Variants in AHI1 observed in about 807,000 individuals in gnomAD.
The protein encoded by AHI1 is Abelson helper integration site 1, also known as jouberin.
In AHI1, 123 loss-of-function variants were observed where a neutral mutation model predicts 149.3. The observed-to-expected ratio is 0.82, with a 90% CI of 0.71 to 0.96. AHI1 has a LOEUF of 0.96. Ranked by LOEUF, AHI1 falls within the 40% of genes least tolerant of loss-of-function variation. The pLI, the probability that AHI1 is intolerant of heterozygous loss-of-function variation, is 0.00. For missense variants in AHI1, 1,439 were observed against 1,422.7 expected (o/e 1.01, Z -0.18); for synonymous variants, 475 against 459.8 (o/e 1.03, Z -0.42).
intron 5 of AHI1, among the ~76,000 whole-genome samples, chr6:135,478,403 T>C (rs1472454632): frequency 6.6e-6 from 1 of 152,194 alleles, no homozygotes; most frequent in Non-Finnish European, 1.5e-5. Flanking sequence ...ACTCTTGCTA[T>C]ACTTTAGCAG....
At chr6:135,329,612 T>A (rs1053778273) in intron 24 of AHI1, among the ~76,000 whole-genome samples, 2 of 152,230 alleles carry the variant, frequency 1.3e-5, no homozygotes, top group Non-Finnish European at 2.9e-5. Flanking sequence ...AATGTTGTTT[T>A]CATGCCAGCT....
intron 20 of AHI1, among the ~76,000 whole-genome samples, chr6:135,416,720 A>G (rs530068080): frequency 6.6e-6 from 1 of 152,110 alleles, no homozygotes; most frequent in South Asian, 2.1e-4. Flanking sequence ...GCATATAAAC[A>G]ATATTAGGTA....
intron 2 of AHI1, 127 bp from the exon 3 acceptor site, chr6:135,496,025 CTTA>C: frequency 6.6e-6 from 1 of 152,152 alleles, no homozygotes; most frequent in Non-Finnish European, 1.5e-5. Context: ...AAATCATATA[CTTA>C]TTTACTATTA....
intron 24 of AHI1, among the ~76,000 whole-genome samples, chr6:135,324,690 G>A (rs537509065): frequency 1.3e-5 from 2 of 152,032 alleles, no homozygotes; most frequent in African/African-American, 4.8e-5. Flanking sequence ...GTTAGGAGAA[G>A]CTGAGGCTCA....
intron 26 of AHI1, among the ~76,000 whole-genome samples, chr6:135,316,392 T>C (rs1237975395): frequency 6.6e-6 from 1 of 152,130 alleles, no homozygotes; most frequent in East Asian, 1.9e-4. Context: ...AGAGTTCACA[T>C]GCTGAGGCCT....
intron 26 of AHI1, among the ~76,000 whole-genome samples, chr6:135,311,464 A>C (rs1785199550): frequency 6.6e-6 from 1 of 152,194 alleles, no homozygotes; most frequent in African/African-American, 2.4e-5. Flanking sequence ...GAATGAGCAT[A>C]AATATTAGCA....
intron 20 of AHI1, among the ~76,000 whole-genome samples, chr6:135,418,270 G>C (rs1160937128): frequency 1.3e-5 from 2 of 152,030 alleles, no homozygotes; most frequent in Admixed American, 6.6e-5. Flanking sequence ...GGTGCTAAGT[G>C]GTATAGCAGA....
At chr6:135,474,277 T>C (rs1792231049) in intron 5 of AHI1, among the ~76,000 whole-genome samples, 1 of 152,242 alleles carries the variant, frequency 6.6e-6, no homozygotes, top group South Asian at 2.1e-4. Flanking sequence ...TTATGTCATT[T>C]GTGAATACAC....
chr6:135,326,585 G>C (rs1787724246), intron 24 of AHI1, among the ~76,000 whole-genome samples: 1 of 151,224 alleles, frequency 6.6e-6, no homozygotes, highest in Admixed American at 6.6e-5. Context: ...TTTTGAGACA[G>C]AGTCTTGCTC....
chr6:135,393,972 T>C (rs1488922964), intron 23 of AHI1, among the ~76,000 whole-genome samples: 2 of 152,084 alleles, frequency 1.3e-5, no homozygotes, highest in Non-Finnish European at 2.9e-5. Flanking sequence ...AAATAACTTG[T>C]ATATGTAAGT....
intron 24 of AHI1, among the ~76,000 whole-genome samples, chr6:135,334,059 G>A (rs535935090): frequency 6.6e-6 from 1 of 152,140 alleles, no homozygotes; most frequent in African/African-American, 2.4e-5. Flanking sequence ...CATTTCCTCT[G>A]AATTCACCAT....
At chr6:135,317,837 G>C (rs1786211100) in intron 26 of AHI1, among the ~76,000 whole-genome samples, 1 of 152,186 alleles carries the variant, frequency 6.6e-6, no homozygotes, top group South Asian at 2.1e-4. Flanking sequence ...ATCTATGTTG[G>C]TTCATGGAAT....
chr6:135,438,998 A>G (rs560826324), intron 14 of AHI1, among the ~76,000 whole-genome samples: 1 of 152,344 alleles, frequency 6.6e-6, no homozygotes, highest in South Asian at 2.1e-4. Flanking sequence ...ACAATGACTC[A>G]ATCAGACACA....
intron 24 of AHI1, among the ~76,000 whole-genome samples, chr6:135,357,525 T>A (rs1031924550): frequency 4.6e-5 from 7 of 152,136 alleles, no homozygotes; most frequent in Admixed American, 4.6e-4. Flanking sequence ...AAATGGAGAA[T>A]CACAGGAAGT....
At chr6:135,386,868 T>A (rs763800432) in intron 23 of AHI1, among the ~76,000 whole-genome samples, 18 of 152,122 alleles carry the variant, frequency 1.2e-4, no homozygotes, top group Non-Finnish European at 1.8e-4. Context: ...TGACCTCAGC[T>A]GATTGGCCCA....
chr6:135,471,560 A>C (rs1045768057), intron 5 of AHI1, among the ~76,000 whole-genome samples: 24 of 151,538 alleles, frequency 1.6e-4, no homozygotes, highest in African/African-American at 5.6e-4. Flanking sequence ...GGAATTCAGC[A>C]GTTTCATGGA....
chr6:135,288,224 TGTGA>T (rs1011502462), intron 28 of AHI1, among the ~76,000 whole-genome samples: 2 of 151,914 alleles, frequency 1.3e-5, no homozygotes, highest in Non-Finnish European at 2.9e-5. Flanking sequence ...AGGAAAAAAA[TGTGA>T]GTATGTATTA....
chr6:135,292,258 C>T (rs114549534), intron 27 of AHI1, among the ~76,000 whole-genome samples: 2 of 152,186 alleles, frequency 1.3e-5, no homozygotes, highest in African/African-American at 2.4e-5. Context: ...TTTACCCCGT[C>T]GTGTCTATAT....
chr6:135,419,312 T>C (rs903295024), intron 20 of AHI1, among the ~76,000 whole-genome samples: 1 of 152,086 alleles, frequency 6.6e-6, no homozygotes, highest in Non-Finnish European at 1.5e-5. Flanking sequence ...TGTTGGTTCC[T>C]ATTCCATTAT....
Sources: allele counts gnomAD v4.1 joint callset (sites outside exome capture counted in the v4.1 genomes callset), GRCh38; gene constraint gnomAD v4.1.1; transcripts MANE v1.5; gene names NCBI Gene and HGNC (gene_info 2026-07-23, HGNC 2026-07-21).